UBR3: variants seen among roughly 807,000 people sequenced by gnomAD.
UBR3 encodes the protein E3 ubiquitin-protein ligase UBR3.
UBR3 carries 85 observed loss-of-function variants against 243.2 expected under a neutral mutation model. That is an observed-to-expected ratio of 0.35 (90% CI 0.29 to 0.42). UBR3 has a LOEUF of 0.42. Ranked by LOEUF, UBR3 falls within the 10% of genes least tolerant of loss-of-function variation. UBR3 has a pLI of 1.00. For synonymous variants in UBR3, 748 were observed against 799.8 expected, an observed-to-expected ratio of 0.94 and a Z score of 1.09; for missense variants, 1,686 against 2,300.8, an observed-to-expected ratio of 0.73 and a Z score of 5.47.
At chr2:170,061,225 T>TA in intron 34 of UBR3, 39 bp downstream of exon 34, 1 of 1,580,620 alleles carries the variant, frequency 6.3e-7, no homozygotes, top group Non-Finnish European at 8.6e-7. Flanking sequence ...GGTTATTTAG[T>TA]AAAAAATTTA....
Position 169,950,068 on chromosome 2 carries a change from AATTTTT to A in UBR3, c.3545+11_3545+16del. 1 of 1,536,630 alleles carries A rather than the reference AATTTTT, an allele frequency of 6.5e-7. No homozygotes were observed. Among genetic ancestry groups the A allele is most frequent in the African/African-American group, 1.4e-5 (1 of 71,906 alleles). ...AAAACATTGGACAAAGAAGAAAGGT[AATTTTT>A]ATTTTTAATGTTTTAAACGTGTGTA... is the stretch of plus-strand genomic sequence containing the variant. On this transcript the variant is annotated splice_donor_5th_base_variant and intron_variant, in intron 23 of 38. Coordinates refer to ENST00000272793, the MANE Select transcript of UBR3 (RefSeq NM_172070.4).
intron 25 of UBR3, 66 bp from the exon 26 acceptor site, chr2:169,994,257 T>C: frequency 6.5e-7 from 1 of 1,529,592 alleles, no homozygotes; most frequent in Non-Finnish European, 8.9e-7. Flanking sequence ...AACTCAGCTT[T>C]TCTTGGAGTT....
intron 32 of UBR3, among the ~76,000 whole-genome samples, chr2:170,052,841 G>A (rs1375383082): frequency 2.0e-5 from 3 of 152,182 alleles, no homozygotes; most frequent in African/African-American, 7.2e-5. Context: ...AGTATTCTCA[G>A]TGCACACACA....
At chr2:170,044,240 A>G (rs931581340) in intron 32 of UBR3, among the ~76,000 whole-genome samples, 1 of 152,154 alleles carries the variant, frequency 6.6e-6, no homozygotes, top group Admixed American at 6.6e-5. Context: ...ATTGTTTGTT[A>G]TTAGAAGAGA....
chr2:169,842,031 T>C (rs943638486), intron 1 of UBR3, among the ~76,000 whole-genome samples: 16 of 152,214 alleles, frequency 1.1e-4, no homozygotes, highest in Non-Finnish European at 1.9e-4. Flanking sequence ...TCTTTATATC[T>C]AGCTCAGGGA....
chr2:169,979,746 C>T lies in UBR3; in HGVS notation c.3635-6899C>T, dbSNP rs190968840. Among the ~76,000 whole-genome samples the T allele has an allele frequency of 3.3e-5, 5 of 152,240 alleles. No individual in the cohort carries two copies. In the East Asian group the frequency reaches 9.6e-4, roughly 29 times the overall value. ...ATCACTGGTTGTCAGGGTTGAGGCA[C>T]AGGTGAATAAATGAAACATGGGAGT... On this transcript the variant is annotated intron_variant, in intron 24 of 38. Coordinates refer to ENST00000272793, the MANE Select transcript of UBR3 (RefSeq NM_172070.4).
intron 2 of UBR3, among the ~76,000 whole-genome samples, chr2:169,873,684 C>T (rs374083875): frequency 1.5e-4 from 22 of 151,446 alleles, no homozygotes; most frequent in African/African-American, 2.2e-4. Context: ...TGCCCCACAC[C>T]GCCCCCCAAA....
chr2:170,034,836 G>A (rs2090781619), intron 31 of UBR3, among the ~76,000 whole-genome samples: 2 of 151,886 alleles, frequency 1.3e-5, no homozygotes, highest in African/African-American at 2.4e-5. Flanking sequence ...TCAACATTTG[G>A]TATTATCAGT....
intron 24 of UBR3, among the ~76,000 whole-genome samples, chr2:169,979,142 A>T (rs934960762): frequency 2.0e-5 from 3 of 152,258 alleles, no homozygotes; most frequent in Non-Finnish European, 4.4e-5. Context: ...AATGGTAAAT[A>T]AGTATGTCAA....
chr2:170,020,814 TG>T (rs758831130), intron 30 of UBR3, among the ~76,000 whole-genome samples: 2 of 152,226 alleles, frequency 1.3e-5, no homozygotes, highest in South Asian at 2.1e-4. Flanking sequence ...TATTTTATTT[TG>T]CTCTTCATTT....
Position 169,905,251 on chromosome 2 carries a change from G to A in UBR3, c.1603G>A (p.Gly535Ser), listed in dbSNP as rs1169470018. 1 of 1,540,966 alleles carries A rather than the reference G, an allele frequency of 6.5e-7. No homozygotes were observed. The highest frequency in any genetic ancestry group is 8.8e-7 in the Non-Finnish European group (1 of 1,142,486). ...SVAKRFLEDH[G>S]LLVTWMNFVS... ...GGCCAAGAGATTTTTGGAGGATCAC[G>A]GTTTGTTAGTTACATGGATGAACTT... The change falls in exon 9 of 39, where the codon GGT becomes AGT. Residue 535 changes from glycine (G) to serine (S), a missense_variant. By Grantham distance (56) the Gly-to-Ser change is moderately conservative. Around this residue, in one of 8 missense-constraint regions of UBR3, gnomAD observed 346 missense variants for 585.8 expected, o/e 0.59. Coordinates refer to ENST00000272793, the MANE Select transcript of UBR3 (RefSeq NM_172070.4).
chr2:169,860,932 C>G lies in UBR3; in HGVS notation c.546-11304C>G, dbSNP rs141430520. On this transcript the variant is annotated intron_variant, in intron 1 of 38. Transcript: ENST00000272793. ...AGCACTCAGTCTGTGGCCACAGGCC[C>G]GAGAGCCCCTGGCAAACCGCTGGTG... Among the ~76,000 whole-genome samples the G allele has an allele frequency of 5.6e-3, 847 of 152,238 alleles. 7 individuals are homozygous for G. The highest frequency in any genetic ancestry group is 0.019 in the African/African-American group (798 of 41,518).
intron 5 of UBR3, among the ~76,000 whole-genome samples, chr2:169,883,574 A>G (rs538021275): frequency 4.3e-4 from 66 of 152,350 alleles, no homozygotes; most frequent in African/African-American, 1.5e-3. Flanking sequence ...AGGATATGAC[A>G]TTAGTCATTC....
In UBR3 at chr2:169,980,537, A is replaced by G. The variant is rs191160912; in HGVS notation, c.3635-6108A>G. Reference sequence around the variant, plus strand: ...GAAACTTATCTGTGTTCCCTTGTTTATTTGTTCGTTCATTTATATTAGTAT... The same window carrying G: ...GAAACTTATCTGTGTTCCCTTGTTTGTTTGTTCGTTCATTTATATTAGTAT... On this transcript the variant is annotated intron_variant, in intron 24 of 38. Coordinates refer to ENST00000272793, the MANE Select transcript of UBR3 (RefSeq NM_172070.4). Among the ~76,000 whole-genome samples, 448 of 151,654 alleles carry G rather than the reference A, an allele frequency of 3.0e-3. 3 individuals are homozygous for G. The highest frequency in any genetic ancestry group is 0.01 in the African/African-American group (423 of 41,308).
chr2:170,029,764 T>A (rs918597363), intron 31 of UBR3, among the ~76,000 whole-genome samples: 2 of 152,086 alleles, frequency 1.3e-5, no homozygotes, highest in Non-Finnish European at 2.9e-5. Flanking sequence ...GTAGCTTTAG[T>A]CTGATTCCTG....
chr2:170,069,990 T>C (rs756566541), intron 35 of UBR3, among the ~76,000 whole-genome samples: 2 of 152,160 alleles, frequency 1.3e-5, no homozygotes, highest in Non-Finnish European at 2.9e-5. Context: ...ATTTGTATTT[T>C]ATTGTTATTT....
chr2:170,055,551 G>T lies in UBR3; in HGVS notation c.4752G>T (p.Arg1584Ser). Residue 1584 changes from arginine (R) to serine (S), a missense_variant, in exon 33 of 39, where the codon AGG becomes AGT. By Grantham distance (110) the Arg-to-Ser change is moderately radical. Around this residue, in one of 8 missense-constraint regions of UBR3, gnomAD observed 371 missense variants for 422.5 expected, o/e 0.88. Coordinates refer to ENST00000272793, the MANE Select transcript of UBR3 (RefSeq NM_172070.4). ...ALSVKCSEED[R>S]SAWKHAGALK... ...CAGTTAAATGCAGCGAAGAAGATAG[G>T]TCAGCCTGGAAACACGCGGGAGCTC... 6.2e-7 allele frequency: 1 copy of T among 1,613,616 alleles called. No individual in the cohort carries two copies. Among genetic ancestry groups the T allele is most frequent in the Non-Finnish European group, 8.5e-7 (1 of 1,179,650 alleles).
intron 24 of UBR3, among the ~76,000 whole-genome samples, chr2:169,982,039 A>G (rs1170501930): frequency 1.3e-5 from 2 of 152,198 alleles, no homozygotes; most frequent in African/African-American, 4.8e-5. Context: ...GTTTATGAAT[A>G]GTAACTCACC....
chr2:169,899,655 C>T (rs930622437), intron 8 of UBR3, among the ~76,000 whole-genome samples: 3 of 152,058 alleles, frequency 2.0e-5, no homozygotes, highest in Admixed American at 2.0e-4. Context: ...CTGTTCCTCC[C>T]CCCGCCCCTT....
Sources: allele counts gnomAD v4.1 joint callset (sites outside exome capture counted in the v4.1 genomes callset), GRCh38; gene constraint gnomAD v4.1.1; regional missense constraint gnomAD v4.1.1; transcripts MANE v1.5; gene names NCBI Gene and HGNC (gene_info 2026-07-23, HGNC 2026-07-21).